The following YWHAE variants were observed in gnomAD, a reference collection of about 807,000 sequenced individuals.
YWHAE encodes tyrosine 3-monooxygenase/tryptophan 5-monooxygenase activation protein epsilon.
A neutral mutation model predicts 30.1 loss-of-function variants in YWHAE; 4 were observed. That is an observed-to-expected ratio of 0.13 (90% CI 0.07 to 0.30). YWHAE has a LOEUF of 0.30. Ranked by LOEUF, YWHAE falls within the 10% of genes least tolerant of loss-of-function variation. The probability of loss-of-function intolerance (pLI) is 1.00; values close to 1 mark genes in which losing one functional copy is unlikely to be tolerated. For synonymous variants in YWHAE, 118 were observed against 111.8 expected (o/e 1.06, Z -0.35); for missense variants, 121 against 315.9 (o/e 0.38, Z 4.68).
rs572785752 is a variant in YWHAE at position 1,344,513 on chromosome 17, G to A, written c.*934C>T. ...TGTTTGGACTAGAGATTTTATTTTA[G>A]AAGTATAAAGGATGGAGGCGCGATA... On this transcript the variant is annotated 3_prime_UTR_variant, in exon 6 of 6. Coordinates refer to ENST00000264335, the MANE Select transcript of YWHAE (RefSeq NM_006761.5). 1 of 198,812 alleles carries A rather than the reference G, an allele frequency of 5.0e-6. No individual in the cohort carries two copies. The highest frequency in any genetic ancestry group is 2.3e-5 in the African/African-American group (1 of 43,444). 12.3% of individuals were successfully genotyped at this position (198,812 alleles called of 1,614,324 possible). A position where few individuals can be genotyped will look rare whatever the true frequency, so the allele number is the denominator to read the frequency against.
At chr17:1,346,051 T>C (rs945889211) in intron 5 of YWHAE, among the ~76,000 whole-genome samples, 1 of 147,756 alleles carries the variant, frequency 6.8e-6, no homozygotes, top group African/African-American at 2.6e-5. Context: ...CAAACTATAA[T>C]CAGATTTTAC....
chr17:1,370,177 A>G, intron 1 of YWHAE, among the ~76,000 whole-genome samples: 1 of 117,850 alleles, frequency 8.5e-6, no homozygotes, highest in African/African-American at 3.3e-5. Context: ...ACCAGGCTGG[A>G]GTGCCTGGGC....
At chr17:1,399,895 C>T in intron 1 of YWHAE, 152 bp downstream of exon 1, 1 of 891,350 alleles carries the variant, frequency 1.1e-6, no homozygotes, top group South Asian at 1.4e-5. Context: ...TCCCATCGCC[C>T]CGGGAGCTCC....
chr17:1,392,273 G>A (rs1455908227), intron 1 of YWHAE, among the ~76,000 whole-genome samples: 1 of 152,162 alleles, frequency 6.6e-6, no homozygotes, highest in African/African-American at 2.4e-5. Flanking sequence ...TAAGTGGGAG[G>A]CTGAGATGGG....
chr17:1,370,069 A>G (rs1233153464), intron 1 of YWHAE, among the ~76,000 whole-genome samples: 1 of 138,730 alleles, frequency 7.2e-6, no homozygotes, highest in Non-Finnish European at 1.5e-5. Context: ...TTCCTGCATG[A>G]TTTCTCTGTA....
In YWHAE at chr17:1,361,089, T is replaced by C; in HGVS notation, c.578+3A>G. Reference sequence around the variant, plus strand: ...AGCGCTGCTGTTCTTCCCCACAACTTACCTGCAGGCACGGTCAGGGGAATT... The same window carrying C: ...AGCGCTGCTGTTCTTCCCCACAACTCACCTGCAGGCACGGTCAGGGGAATT... On this transcript the variant is annotated splice_donor_region_variant and intron_variant, in intron 4 of 5. Transcript: ENST00000264335. 2 of 1,613,672 alleles carry C rather than the reference T, an allele frequency of 1.2e-6. No individual in the cohort carries two copies. The highest frequency in any genetic ancestry group is 1.7e-6 in the Non-Finnish European group (2 of 1,179,644).
intron 1 of YWHAE, among the ~76,000 whole-genome samples, chr17:1,367,030 T>A (rs530234115): frequency 6.6e-6 from 1 of 151,944 alleles, no homozygotes; most frequent in East Asian, 1.9e-4. Context: ...CAAAAATTAA[T>A]CCTTTCGGGA....
intron 1 of YWHAE, among the ~76,000 whole-genome samples, chr17:1,372,764 G>T (rs2073061076): frequency 6.6e-6 from 1 of 151,912 alleles, no homozygotes; most frequent in South Asian, 2.1e-4. Flanking sequence ...GACCAGCCTG[G>T]GCAACAGGTG....
intron 4 of YWHAE, among the ~76,000 whole-genome samples, chr17:1,355,050 T>G (rs2150842442): frequency 9.5e-6 from 1 of 105,680 alleles, no homozygotes; most frequent in South Asian, 4.0e-4. Context: ...GTTCAAGCAA[T>G]CTTCCGAACC....
chr17:1,397,831 C>T lies in YWHAE; in HGVS notation c.64+2216G>A, dbSNP rs138241859. ...TTTCCACTGAGTCCCTACCTTATGCCCCAAGTCACAGCAATAGCTCCTCAC... is the reference window on the plus strand; with the variant it reads ...TTTCCACTGAGTCCCTACCTTATGCTCCAAGTCACAGCAATAGCTCCTCAC... On this transcript the variant is annotated intron_variant, in intron 1 of 5. Coordinates refer to ENST00000264335, the MANE Select transcript of YWHAE (RefSeq NM_006761.5). 1.4e-3 allele frequency among the ~76,000 whole-genome samples: 208 copies of T among 152,216 alleles called. 1 individual carries two copies. The highest frequency in any genetic ancestry group is 0.01 in the Middle Eastern group (3 of 294).
chr17:1,390,037 T>G (rs1198854410), intron 1 of YWHAE, among the ~76,000 whole-genome samples: 2 of 152,002 alleles, frequency 1.3e-5, no homozygotes, highest in African/African-American at 4.8e-5. Context: ...ATAGATGGGA[T>G]TTCTCCATGT....
At chr17:1,363,631 T>C (rs929898143) in intron 2 of YWHAE, among the ~76,000 whole-genome samples, 2 of 152,206 alleles carry the variant, frequency 1.3e-5, no homozygotes, top group African/African-American at 2.4e-5. Flanking sequence ...TGTGCATTCA[T>C]AGTTGGGATA....
At chr17:1,398,691 C>T (rs1190132656) in intron 1 of YWHAE, 2 of 152,106 alleles carry the variant, frequency 1.3e-5, no homozygotes, top group African/African-American at 2.4e-5. Flanking sequence ...ACTACAGTAT[C>T]GCACAATTAT....
chr17:1,375,344 C>T (rs1338211896), intron 1 of YWHAE, among the ~76,000 whole-genome samples: 1 of 152,158 alleles, frequency 6.6e-6, no homozygotes, highest in African/African-American at 2.4e-5. Context: ...AGGATGAACT[C>T]CAACCATTAT....
At chr17:1,397,191 G>A (rs2073487260) in intron 1 of YWHAE, among the ~76,000 whole-genome samples, 1 of 152,170 alleles carries the variant, frequency 6.6e-6, no homozygotes, top group Non-Finnish European at 1.5e-5. Flanking sequence ...GAGCCACCCC[G>A]CCCGGCCTTT....
intron 5 of YWHAE, among the ~76,000 whole-genome samples, chr17:1,351,580 C>T (rs1449683784): frequency 2.0e-5 from 3 of 152,016 alleles, no homozygotes; most frequent in Non-Finnish European, 2.9e-5. Context: ...TGGGGATGAC[C>T]ATTACGAGTC....
chr17:1,358,403 C>A lies in YWHAE; in HGVS notation c.578+2689G>T, dbSNP rs1036708007. Among the ~76,000 whole-genome samples the A allele has an allele frequency of 1.1e-4, 16 of 152,208 alleles. No individual in the cohort carries two copies. In the South Asian group the frequency reaches 2.9e-3, roughly 28 times the overall value. Reference sequence around the variant, plus strand: ...TACAGGCGCCCGCCACCACGCCCGGCTGATTTTTTGTATTTTTAGTAGAGA... The same window carrying A: ...TACAGGCGCCCGCCACCACGCCCGGATGATTTTTTGTATTTTTAGTAGAGA... On this transcript the variant is annotated intron_variant, in intron 4 of 5. Transcript: ENST00000264335.
At chr17:1,361,329 A>C (rs776310474) in intron 3 of YWHAE, 31 bp from the exon 4 acceptor site, 1 of 1,549,674 alleles carries the variant, frequency 6.5e-7, no homozygotes, top group Non-Finnish European at 8.7e-7. Context: ...AAAAAAAAAA[A>C]AAAATTTAAA....
At chr17:1,363,026 C>A (rs1478585438) in intron 2 of YWHAE, among the ~76,000 whole-genome samples, 1 of 152,122 alleles carries the variant, frequency 6.6e-6, no homozygotes, top group Non-Finnish European at 1.5e-5. Context: ...GTATCTACAG[C>A]AAACCCACCC....
Sources: gnomAD v4.1 joint callset for allele counts (sites outside exome capture counted in the v4.1 genomes callset) on GRCh38, gnomAD v4.1.1 for gene constraint, MANE v1.5 for transcripts, NCBI Gene and HGNC (gene_info 2026-07-23, HGNC 2026-07-21) for gene names.